Variants in DAB1 observed in about 807,000 individuals in gnomAD.
DAB1 encodes the protein disabled homolog 1.
In DAB1, 15 loss-of-function variants were observed where a neutral mutation model predicts 64.6. The ratio of observed to expected loss-of-function variants is 0.23; its 90% CI spans 0.16 to 0.36. The LOEUF is 0.36. Among genes scored for constraint, DAB1 ranks in the 10% least tolerant of loss-of-function variants. The pLI is 1.00. For missense variants in DAB1, 596 were observed against 706.7 expected, an observed-to-expected ratio of 0.84 and a Z score of 1.78; for synonymous variants, 235 against 251.9, an observed-to-expected ratio of 0.93 and a Z score of 0.64.
chr1:57,436,149 T>C (rs1212277204), intron 7 of DAB1, among the ~76,000 whole-genome samples: 1 of 152,090 alleles, frequency 6.6e-6, no homozygotes, highest in African/African-American at 2.4e-5. Flanking sequence ...ACTCCTGACC[T>C]CAGGTGATCC....
At chr1:57,846,910 G>A (rs1653313727) in intron 1 of DAB1, among the ~76,000 whole-genome samples, 1 of 152,210 alleles carries the variant, frequency 6.6e-6, no homozygotes, top group African/African-American at 2.4e-5. Context: ...CCACAATATG[G>A]AGATGCCTAC....
intron 5 of DAB1, among the ~76,000 whole-genome samples, chr1:57,969,505 T>C (rs1645747070): frequency 6.6e-6 from 1 of 152,160 alleles, no homozygotes; most frequent in Non-Finnish European, 1.5e-5. Context: ...AATGTTTGTA[T>C]TTACATAACA....
At chr1:57,787,427 T>C (rs1297245164) in intron 6 of DAB1, among the ~76,000 whole-genome samples, 1 of 152,152 alleles carries the variant, frequency 6.6e-6, no homozygotes, top group East Asian at 1.9e-4. Flanking sequence ...GGAGAGAGAA[T>C]AGTTTTTTCA....
chr1:58,544,364 C>G (rs1408114942), intron 1 of DAB1, among the ~76,000 whole-genome samples: 1 of 151,922 alleles, frequency 6.6e-6, no homozygotes, highest in African/African-American at 2.4e-5. Flanking sequence ...TTTAAAAAAC[C>G]CTCCCCAATT....
At chr1:57,687,102 C>T (rs1646706776) in intron 6 of DAB1, among the ~76,000 whole-genome samples, 1 of 152,126 alleles carries the variant, frequency 6.6e-6, no homozygotes, top group Admixed American at 6.5e-5. Context: ...AAAAGTGAAA[C>T]TACCTCTCTT....
chr1:58,432,079 C>T (rs761803134), intron 3 of DAB1, among the ~76,000 whole-genome samples: 15 of 152,156 alleles, frequency 9.9e-5, no homozygotes, highest in Admixed American at 8.5e-4. Flanking sequence ...CCAAGAATGC[C>T]GTCTCCAGGC....
intron 1 of DAB1, among the ~76,000 whole-genome samples, chr1:57,842,317 G>A (rs1427163415): frequency 6.6e-6 from 1 of 152,100 alleles, no homozygotes; most frequent in African/African-American, 2.4e-5. Context: ...ACCAATCAAC[G>A]AGTCTCTAGG....
At chr1:57,792,907 A>T (rs1323549684) in intron 6 of DAB1, among the ~76,000 whole-genome samples, 1 of 152,258 alleles carries the variant, frequency 6.6e-6, no homozygotes. Context: ...TTGAACCATT[A>T]ACCCTGTGAT....
intron 1 of DAB1, among the ~76,000 whole-genome samples, chr1:57,372,667 T>A (rs1294103144): frequency 6.6e-6 from 1 of 152,104 alleles, no homozygotes; most frequent in African/African-American, 2.4e-5. Flanking sequence ...TTTTTTTCTA[T>A]CGAGGCTGAA....
At chr1:57,267,047 A>T (rs1670638241) in intron 2 of DAB1, among the ~76,000 whole-genome samples, 1 of 152,148 alleles carries the variant, frequency 6.6e-6, no homozygotes, top group South Asian at 2.1e-4. Context: ...ACAAATTTGG[A>T]AAAAGATATA....
intron 7 of DAB1, among the ~76,000 whole-genome samples, chr1:57,462,242 C>G (rs558855523): frequency 6.6e-6 from 1 of 152,108 alleles, no homozygotes; most frequent in Non-Finnish European, 1.5e-5. Context: ...AGCCACTGCA[C>G]CGGCCAGATA....
Position 57,142,597 on chromosome 1 carries a change from G to GACACACACACACAC in DAB1, c.207+2692_207+2693insGTGTGTGTGTGTGT, listed in dbSNP as rs1557797167. On this transcript the variant is annotated intron_variant, in intron 3 of 14. Coordinates refer to ENST00000371236, the MANE Select transcript of DAB1 (RefSeq NM_001365792.1). ...TGACAGATGGAGCACTTCACTGCAG[G>GACACACACACACAC]TCACACACACACACACACACACACA... Among the ~76,000 whole-genome samples the GACACACACACACAC allele has an allele frequency of 5.3e-5, 3 of 56,526 alleles. No individual in the cohort carries two copies. The Admixed American group carries it at 7.2e-4, about 14-fold the overall frequency. 37.1% of individuals were successfully genotyped at this position (56,526 alleles called of 152,430 possible). A position where few individuals can be genotyped will look rare whatever the true frequency, so the allele number is the denominator to read the frequency against.
chr1:57,821,172 A>G (rs1329056544), downstream of DAB1, among the ~76,000 whole-genome samples: 1 of 152,140 alleles, frequency 6.6e-6, no homozygotes, highest in African/African-American at 2.4e-5. Context: ...TTCTTTTTCC[A>G]CAGATGCACC....
intron 2 of DAB1, among the ~76,000 whole-genome samples, chr1:58,522,172 G>C (rs1260388920): frequency 6.6e-6 from 1 of 152,104 alleles, no homozygotes; most frequent in African/African-American, 2.4e-5. Flanking sequence ...GGCAGAAAAT[G>C]CAGGGGGAAG....
chr1:57,330,503 C>T (rs1209123388), intron 1 of DAB1, among the ~76,000 whole-genome samples: 1 of 152,088 alleles, frequency 6.6e-6, no homozygotes, highest in East Asian at 1.9e-4. Flanking sequence ...TCCTCACCTG[C>T]AAGAGGGAGA....
chr1:58,469,075 G>A (rs1280753001), intron 3 of DAB1: 1 of 216,646 alleles, frequency 4.6e-6, no homozygotes, highest in Non-Finnish European at 7.9e-6. Flanking sequence ...TGGGTCCTAA[G>A]GGACTGTCTC....
chr1:57,159,632 G>A (rs1205069399), intron 2 of DAB1, among the ~76,000 whole-genome samples: 3 of 152,022 alleles, frequency 2.0e-5, no homozygotes, highest in African/African-American at 4.8e-5. Context: ...TCTGTACACA[G>A]AGTTTCCAAC....
intron 4 of DAB1, among the ~76,000 whole-genome samples, chr1:58,258,364 C>G (rs1660980159): frequency 6.6e-6 from 1 of 152,206 alleles, no homozygotes; most frequent in African/African-American, 2.4e-5. Context: ...TCCTTTTAAA[C>G]CGACAGCCTG....
chr1:57,310,988 C>T (rs951302293), intron 1 of DAB1, among the ~76,000 whole-genome samples: 2 of 151,154 alleles, frequency 1.3e-5, no homozygotes, highest in East Asian at 3.9e-4. Context: ...AGAGCAAGAG[C>T]CCATCTCTAA....
Sources: gnomAD v4.1 joint callset for allele counts (sites outside exome capture counted in the v4.1 genomes callset) on GRCh38, gnomAD v4.1.1 for gene constraint, MANE v1.5 for transcripts, NCBI Gene and HGNC (gene_info 2026-07-23, HGNC 2026-07-21) for gene names.